The following CPLANE1 variants were observed in gnomAD, a reference collection of about 807,000 sequenced individuals.
The protein encoded by CPLANE1 is ciliogenesis and planar polarity effector 1.
Under a neutral mutation model 362.5 loss-of-function variants are expected in CPLANE1, and 263 were observed. The observed-to-expected ratio is 0.73, with a 90% confidence interval of 0.66 to 0.80. CPLANE1 has a LOEUF of 0.80. Among genes scored for constraint, CPLANE1 ranks in the 30% least tolerant of loss-of-function variants. The pLI, the probability that CPLANE1 is intolerant of heterozygous loss-of-function variation, is 0.00. For synonymous variants in CPLANE1, 1,212 were observed against 1,302.6 expected (o/e 0.93, Z 1.50); for missense variants, 3,461 against 3,793.4 (o/e 0.91, Z 2.30).
intron 4 of CPLANE1, among the ~76,000 whole-genome samples, chr5:37,244,957 C>T (rs1739020616): frequency 6.6e-6 from 1 of 151,762 alleles, no homozygotes; most frequent in Non-Finnish European, 1.5e-5. Flanking sequence ...CAAGACCATC[C>T]TGGCTAACAC....
At chr5:37,175,863 T>C (rs1308273327) in intron 31 of CPLANE1, 46 bp downstream of exon 31, 1 of 1,332,614 alleles carries the variant, frequency 7.5e-7, no homozygotes, top group Non-Finnish European at 1.1e-6. Context: ...CTGTGATTTG[T>C]AAAACACAAC....
chr5:37,105,924 T>C (rs1218648553), downstream of CPLANE1, among the ~76,000 whole-genome samples: 1 of 152,138 alleles, frequency 6.6e-6, no homozygotes, highest in African/African-American at 2.4e-5. Context: ...TCAATATTAC[T>C]AATCATCAGA....
chr5:37,245,158 A>C (rs1439222072), intron 4 of CPLANE1, among the ~76,000 whole-genome samples: 1 of 151,376 alleles, frequency 6.6e-6, no homozygotes, highest in East Asian at 1.9e-4. Flanking sequence ...AAAAGAAAAA[A>C]AAAAGTACAA....
chr5:37,231,542 G>A (rs750571827), intron 8 of CPLANE1, among the ~76,000 whole-genome samples: 5 of 152,132 alleles, frequency 3.3e-5, no homozygotes, highest in Non-Finnish European at 7.3e-5. Context: ...ACTCCAGTCT[G>A]GGACACAGAG....
chr5:37,219,338 A>C (rs551457076), intron 15 of CPLANE1, among the ~76,000 whole-genome samples: 164 of 151,986 alleles, frequency 1.1e-3, no homozygotes, highest in African/African-American at 3.8e-3. Flanking sequence ...GACCAGCCTG[A>C]CCAACATGGT....
chr5:37,212,804 A>G (rs1792987963), intron 16 of CPLANE1, among the ~76,000 whole-genome samples: 1 of 152,260 alleles, frequency 6.6e-6, no homozygotes, highest in African/African-American at 2.4e-5. Context: ...AGCAGGCTCA[A>G]TATTTATTAA....
Position 37,106,703 on chromosome 5 carries a change from C to T in CPLANE1, c.*899G>A. The T allele has an allele frequency of 2.6e-6, 1 of 390,360 alleles. No individual in the cohort carries two copies. The highest frequency in any genetic ancestry group is 2.2e-5 in the African/African-American group (1 of 45,918). The allele number at this position is 390,360 out of a possible 1,614,324, so 24.2% of individuals were successfully genotyped here. ...CATACCTGCTTCTGCATTCAACTTG[C>T]TGCAATACATGTTGTAAAACCTGGC... On this transcript the variant is annotated 3_prime_UTR_variant, in exon 53 of 53. Coordinates refer to ENST00000651892, the MANE Select transcript of CPLANE1 (RefSeq NM_001384732.1).
intron 41 of CPLANE1, 44 bp from the exon 42 acceptor site, chr5:37,154,037 G>T (rs1038103472): frequency 1.3e-6 from 2 of 1,516,880 alleles, no homozygotes; most frequent in African/African-American, 1.4e-5. Context: ...TATAATTAAA[G>T]AAGAGGTATT....
Position 37,209,780 on chromosome 5 carries a change from T to C in CPLANE1, c.2921-3355A>G. 2 of 1,300,386 alleles carry C rather than the reference T, an allele frequency of 1.5e-6. No individual in the cohort carries two copies. Among genetic ancestry groups the C allele is most frequent in the East Asian group, 2.3e-5 (1 of 43,304 alleles). 80.6% of individuals were successfully genotyped at this position (1,300,386 alleles called of 1,614,324 possible). ...CTGATAAAGAAAACCAAAAAGGTTT[T>C]CTTATGCATTTTTTAAAAGGATTGG... On this transcript the variant is annotated intron_variant, in intron 16 of 52. Coordinates refer to ENST00000651892, the MANE Select transcript of CPLANE1 (RefSeq NM_001384732.1). This position sits in a 1 kb window ranked among gnomAD's most constrained non-coding sequence, Gnocchi z 4.6.
Position 37,195,830 on chromosome 5 carries a change from C to T in CPLANE1, c.3811+28G>A, listed in dbSNP as rs948604015. 4 of 1,598,118 alleles carry T rather than the reference C, an allele frequency of 2.5e-6. No homozygotes were observed. The South Asian group carries it at 3.4e-5, about 14-fold the overall frequency. ...TGAAAAATATACCATCATTCATACT[C>T]TAAGCAAGCAGTTCATTTTGGACAA... On this transcript the variant is annotated intron_variant, in intron 21 of 52. Transcript: ENST00000651892.
chr5:37,226,824 T>C lies in CPLANE1; in HGVS notation c.1771A>G (p.Lys591Glu). The C allele has an allele frequency of 1.9e-6, 3 of 1,550,400 alleles. No individual in the cohort carries two copies. Among genetic ancestry groups the C allele is most frequent in the Non-Finnish European group, 2.6e-6 (3 of 1,146,586 alleles). Residue 591 changes from lysine to glutamate, a missense_variant, in exon 12 of 53, where the codon AAA becomes GAA. By Grantham distance (56) the Lys-to-Glu change is moderately conservative. This residue lies in a region of CPLANE1 where 3,380 missense variants were observed against 3,666.1 expected (regional missense o/e 0.92). Transcript: ENST00000651892. ...ACTATGTAATTTAACATTAAATTTT[T>C]TTCTGTCACAGTTTTTGAAATTCCT... ...TIGISKTVTE[K>E]NLMLNYIVVC...
chr5:37,219,730 TA>T (rs1252508589), intron 15 of CPLANE1, among the ~76,000 whole-genome samples: 2 of 152,134 alleles, frequency 1.3e-5, no homozygotes, highest in Admixed American at 6.6e-5. Flanking sequence ...AAAGATTCAA[TA>T]GATTTTTTTA....
intron 50 of CPLANE1, 77 bp from the exon 51 acceptor site, chr5:37,115,126 C>A (rs1421254884): frequency 1.1e-6 from 1 of 943,750 alleles, no homozygotes. Context: ...TATTTGAGGA[C>A]AGACACCTTG....
At chr5:37,110,482 T>A (rs1048918815) in intron 51 of CPLANE1, among the ~76,000 whole-genome samples, 2 of 152,210 alleles carry the variant, frequency 1.3e-5, no homozygotes, top group African/African-American at 2.4e-5. Context: ...TAATTTTTAA[T>A]TTGCTTCATA....
intron 16 of CPLANE1, chr5:37,210,857 G>C (rs1419426982): frequency 9.6e-6 from 8 of 832,904 alleles, no homozygotes; most frequent in Admixed American, 1.7e-5. Flanking sequence ...TTGAGCATGA[G>C]GAGTTCGAAA....
intron 51 of CPLANE1, among the ~76,000 whole-genome samples, chr5:37,113,378 G>A (rs1357887198): frequency 6.6e-6 from 1 of 152,148 alleles, no homozygotes; most frequent in East Asian, 1.9e-4. Flanking sequence ...CTTCTCCTTT[G>A]CCTTTTACCA....
the CPLANE1 span, among the ~76,000 whole-genome samples, chr5:37,094,820 C>A: frequency 6.6e-6 from 1 of 152,128 alleles, no homozygotes; most frequent in Non-Finnish European, 1.5e-5. Flanking sequence ...TGCACATAAA[C>A]TAGAAAACCC....
At chr5:37,208,136 G>C (rs1791359522) in intron 16 of CPLANE1, among the ~76,000 whole-genome samples, 1 of 152,158 alleles carries the variant, frequency 6.6e-6, no homozygotes, top group Non-Finnish European at 1.5e-5. Context: ...TTTTTGTAGA[G>C]ACAGGGTTTC....
chr5:37,204,125 C>T (rs987232786), intron 18 of CPLANE1, among the ~76,000 whole-genome samples: 15 of 152,256 alleles, frequency 9.9e-5, no homozygotes, highest in Middle Eastern at 3.4e-3. Flanking sequence ...ATTTTAGTCC[C>T]TTCTTTAAAA....
Sources: allele counts gnomAD v4.1 joint callset (sites outside exome capture counted in the v4.1 genomes callset), GRCh38; gene constraint gnomAD v4.1.1; regional missense constraint gnomAD v4.1.1; non-coding constraint Gnocchi (gnomAD v3.1); transcripts MANE v1.5; gene names NCBI Gene and HGNC (gene_info 2026-07-23, HGNC 2026-07-21).